CHD6: variants seen among roughly 807,000 people sequenced by gnomAD.
The protein encoded by CHD6 is ATP-dependent chromatin remodeler CHD6.
A neutral mutation model predicts 276.9 loss-of-function variants in CHD6; 50 were observed. That is an observed-to-expected ratio of 0.18 (90% CI 0.14 to 0.23). The LOEUF is 0.23. Among genes scored for constraint, CHD6 ranks in the 10% least tolerant of loss-of-function variants. CHD6 has a pLI of 1.00. For missense variants in CHD6, 2,564 were observed against 3,365.8 expected (o/e 0.76, Z 5.89); for synonymous variants, 1,173 against 1,229.3 (o/e 0.95, Z 0.96).
chr20:41,528,469 A>C (rs2044599582), intron 3 of CHD6, among the ~76,000 whole-genome samples: 1 of 152,216 alleles, frequency 6.6e-6, no homozygotes, highest in Non-Finnish European at 1.5e-5. Flanking sequence ...ATACCAAATG[A>C]AATTTTAATT....
chr20:41,426,817 T>C (rs907749417), intron 27 of CHD6, among the ~76,000 whole-genome samples: 1 of 152,162 alleles, frequency 6.6e-6, no homozygotes, highest in Non-Finnish European at 1.5e-5. Context: ...GTCTCAGGAA[T>C]GGAACTTTAA....
At position 41,402,491 on chromosome 20, in the gene CHD6, A is replaced by G. The variant is rs2046562077; in HGVS notation, c.*2102T>C. Reference sequence around the variant, plus strand: ...GAGGTTATAAGTGGAACCCGGGGAAAGCAGCTTTTCCATACAAAACAACAA... The same window carrying G: ...GAGGTTATAAGTGGAACCCGGGGAAGGCAGCTTTTCCATACAAAACAACAA... On this transcript the variant is annotated 3_prime_UTR_variant, in exon 37 of 37. Coordinates refer to ENST00000373233, the MANE Select transcript of CHD6 (RefSeq NM_032221.5). 1 of 231,210 alleles carries G rather than the reference A, an allele frequency of 4.3e-6. No homozygotes were observed. Among genetic ancestry groups the G allele is most frequent in the African/African-American group, 2.2e-5 (1 of 45,368 alleles). The allele number at this position is 231,210 out of a possible 1,614,324, so 14.3% of individuals were successfully genotyped here.
At chr20:41,489,666 T>G in intron 12 of CHD6, 112 bp downstream of exon 12, 1 of 1,372,024 alleles carries the variant, frequency 7.3e-7, no homozygotes, top group Middle Eastern at 2.5e-4. Context: ...TATTACAAAG[T>G]CATTCCACAT....
rs2047160704 is a variant in CHD6 at position 41,420,751 on chromosome 20, C to A, written c.5884G>T (p.Ala1962Ser). 1 of 1,614,094 alleles carries A rather than the reference C, an allele frequency of 6.2e-7. No individual in the cohort carries two copies. Among genetic ancestry groups the A allele is most frequent in the Non-Finnish European group, 8.5e-7 (1 of 1,180,056 alleles). ...CTTTTGAACAGATCTGGGATATAAG[C>A]CTTGGGTTTCTCGATTTCAAATTCA... is the stretch of plus-strand genomic sequence containing the variant. ...NDEFEIEKPK[A>S]YIPDLFKSKT... The change falls in exon 31 of 37, where the codon GCT becomes TCT. Residue 1962 changes from alanine (A) to serine (S), a missense_variant. Physicochemically the swap from Ala to Ser is moderately conservative, Grantham distance 99. Around this residue, in one of 7 missense-constraint regions of CHD6, gnomAD observed 1,024 missense variants for 1,047.9 expected, o/e 0.98. Coordinates refer to ENST00000373233, the MANE Select transcript of CHD6 (RefSeq NM_032221.5).
At chr20:41,498,807 ATGTATGTGTGTGTGTGTG>A (rs1353767370) in intron 6 of CHD6, among the ~76,000 whole-genome samples, 4,298 of 117,556 alleles carry the variant, frequency 0.037, 100 homozygotes, top group African/African-American at 0.069. Context: ...GTATGTATGT[ATGTATGTGTGTGTGTGTG>A]TGTGTGTGTG....
rs2043770346 is a variant in CHD6, at chr20:41,499,184, A to G, written c.915+111T>C. The G allele has an allele frequency of 4.1e-6, 3 of 736,330 alleles. No homozygotes were observed. In the African/African-American group the frequency reaches 5.4e-5, roughly 13 times the overall value. The allele number at this position is 736,330 out of a possible 1,614,324, so 45.6% of individuals were successfully genotyped here. On this transcript the variant is annotated intron_variant, in intron 6 of 36. Coordinates refer to ENST00000373233, the MANE Select transcript of CHD6 (RefSeq NM_032221.5). ...GGCTAGCCAGACAATATTCTTGCCT[A>G]GCTCTCACTCCAGCCAATAATGGTC...
intron 26 of CHD6, among the ~76,000 whole-genome samples, chr20:41,438,214 T>G (rs552934201): frequency 1.3e-5 from 2 of 152,352 alleles, no homozygotes; most frequent in South Asian, 2.1e-4. Flanking sequence ...AGACCCTTGA[T>G]GCTAGCTCAG....
At chr20:41,602,102 C>T (rs1450134463) in intron 1 of CHD6, among the ~76,000 whole-genome samples, 2 of 152,202 alleles carry the variant, frequency 1.3e-5, no homozygotes, top group Admixed American at 6.5e-5. Flanking sequence ...ATTTCATTTC[C>T]GTGGTGCTCT....
chr20:41,443,249 T>C (rs1457603114), intron 25 of CHD6, among the ~76,000 whole-genome samples: 1 of 152,240 alleles, frequency 6.6e-6, no homozygotes, highest in Non-Finnish European at 1.5e-5. Flanking sequence ...AGCGACCTTA[T>C]GTATCATCTG....
intron 1 of CHD6, among the ~76,000 whole-genome samples, chr20:41,568,531 A>C (rs1405163618): frequency 6.6e-6 from 1 of 152,266 alleles, no homozygotes; most frequent in African/African-American, 2.4e-5. Flanking sequence ...AAAACAGAAG[A>C]GTTGGCCCAA....
intron 2 of CHD6, among the ~76,000 whole-genome samples, chr20:41,542,537 CA>C (rs1270200631): frequency 1.3e-5 from 2 of 149,892 alleles, no homozygotes; most frequent in African/African-American, 4.9e-5. Flanking sequence ...CTAAAAAATA[CA>C]AAAAATTAGC....
At chr20:41,539,948 AT>A (rs996287268) in intron 2 of CHD6, among the ~76,000 whole-genome samples, 26 of 152,320 alleles carry the variant, frequency 1.7e-4, no homozygotes, top group Non-Finnish European at 3.2e-4. Flanking sequence ...GTCTAATCAC[AT>A]TTTTGTTTTT....
chr20:41,421,746 CAG>C lies in CHD6; in HGVS notation c.4887_4888del (p.Cys1630LeufsTer11), dbSNP rs1569059561. On this transcript the variant is annotated frameshift_variant, in exon 31 of 37. Transcript: ENST00000373233. LOFTEE classifies it high-confidence loss of function. The stretch of plus-strand genomic sequence containing the variant: ...CTTGGAGTTGGTCTGGTAAAGGCAA[CAG>C]AGATTTCCTGGTGCCTGGGTGCCAG... 6.2e-7 allele frequency: 1 copy of C among 1,614,210 alleles called. No individual in the cohort carries two copies.
intron 29 of CHD6, 77 bp from the exon 30 acceptor site, chr20:41,423,777 C>G (rs2047273686): frequency 8.9e-7 from 1 of 1,129,274 alleles, no homozygotes; most frequent in Non-Finnish European, 1.3e-6. Flanking sequence ...TGAGAGCCTA[C>G]TATGAGAGCC....
At chr20:41,553,204 T>C (rs1333642687) in intron 1 of CHD6, among the ~76,000 whole-genome samples, 1 of 152,144 alleles carries the variant, frequency 6.6e-6, no homozygotes, top group Non-Finnish European at 1.5e-5. Context: ...TGGGGGAAAA[T>C]TCCAGCTAAT....
chr20:41,543,283 C>T (rs1043950929), intron 2 of CHD6, among the ~76,000 whole-genome samples: 3 of 152,234 alleles, frequency 2.0e-5, no homozygotes, highest in African/African-American at 4.8e-5. Flanking sequence ...CTTGGTCCCA[C>T]GGCTAGTAAG....
chr20:41,512,135 T>C (rs944845017), intron 5 of CHD6, among the ~76,000 whole-genome samples: 4 of 66,924 alleles, frequency 6.0e-5, no homozygotes, highest in Non-Finnish European at 9.3e-5. Flanking sequence ...GCCCAGCTAA[T>C]TTTTTTTTTT....
chr20:41,407,098 G>C (rs556152528), intron 36 of CHD6, among the ~76,000 whole-genome samples: 1 of 152,216 alleles, frequency 6.6e-6, no homozygotes, highest in Non-Finnish European at 1.5e-5. Flanking sequence ...CGCAGCCTAC[G>C]GAGCAGCATG....
Position 41,402,446 on chromosome 20 carries a change from T to C in CHD6, c.*2147A>G, listed in dbSNP as rs1242327278. On this transcript the variant is annotated 3_prime_UTR_variant, in exon 37 of 37. Coordinates refer to ENST00000373233, the MANE Select transcript of CHD6 (RefSeq NM_032221.5). ...GGTGGGTTTTTAAGTCAGATCCACA[T>C]TGAACCCTGTGACCTACCGGAGGTT... The C allele has an allele frequency of 4.3e-6, 1 of 230,838 alleles. No individual in the cohort carries two copies. Among genetic ancestry groups the C allele is most frequent in the East Asian group, 6.1e-5 (1 of 16,282 alleles). The allele number at this position is 230,838 out of a possible 1,614,324, so 14.3% of individuals were successfully genotyped here.
Sources: allele counts gnomAD v4.1 joint callset (sites outside exome capture counted in the v4.1 genomes callset), GRCh38; gene constraint gnomAD v4.1.1; regional missense constraint gnomAD v4.1.1; transcripts MANE v1.5; gene names NCBI Gene and HGNC (gene_info 2026-07-23, HGNC 2026-07-21).